The following KCTD16 variants were observed in gnomAD, a reference collection of about 807,000 sequenced individuals.
KCTD16 encodes the protein potassium channel tetramerization domain containing 16.
KCTD16 carries 13 observed loss-of-function variants against 33.2 expected under a neutral mutation model. That is an observed-to-expected ratio of 0.39 (90% CI 0.25 to 0.62). The LOEUF (loss-of-function observed/expected upper bound fraction) is 0.62. Among genes scored for constraint, KCTD16 ranks in the 20% least tolerant of loss-of-function variants. The probability of loss-of-function intolerance (pLI) is 0.50; values close to 1 mark genes in which losing one functional copy is unlikely to be tolerated. For missense variants in KCTD16, 441 were observed against 525.1 expected (o/e 0.84, Z 1.57); for synonymous variants, 197 against 195.3 (o/e 1.01, Z -0.07).
chr5:144,262,514 C>G (rs1473475043), intron 3 of KCTD16, among the ~76,000 whole-genome samples: 1 of 152,182 alleles, frequency 6.6e-6, no homozygotes, highest in African/African-American at 2.4e-5. Flanking sequence ...TTATCTTTAT[C>G]TAATATCAGA....
intron 3 of KCTD16, among the ~76,000 whole-genome samples, chr5:144,343,527 C>A (rs1053896593): frequency 3.3e-5 from 5 of 151,948 alleles, no homozygotes; most frequent in African/African-American, 1.2e-4. Context: ...TTTCAAAAAA[C>A]CAGCTCCTGG....
chr5:144,396,701 G>A (rs568590656), intron 3 of KCTD16, among the ~76,000 whole-genome samples: 2 of 152,004 alleles, frequency 1.3e-5, no homozygotes, highest in Non-Finnish European at 2.9e-5. Flanking sequence ...AACCTAAAAT[G>A]TAACATTGCA....
intron 3 of KCTD16, among the ~76,000 whole-genome samples, chr5:144,278,485 CTTT>C (rs1220359408): frequency 2.2e-5 from 2 of 89,976 alleles, no homozygotes; most frequent in South Asian, 3.5e-4. Context: ...TGTTAGTCTT[CTTT>C]TTTTTTTTTT....
intron 3 of KCTD16, among the ~76,000 whole-genome samples, chr5:144,466,580 C>T (rs966414060): frequency 1.3e-5 from 2 of 152,062 alleles, no homozygotes; most frequent in Non-Finnish European, 2.9e-5. Context: ...AACTCTTTCA[C>T]TCTGTTAATA....
chr5:144,347,139 A>G (rs1424983260), intron 3 of KCTD16, among the ~76,000 whole-genome samples: 3 of 152,316 alleles, frequency 2.0e-5, no homozygotes, highest in South Asian at 2.1e-4. Flanking sequence ...TTACTGTTCA[A>G]TGTAGTATCC....
intron 3 of KCTD16, among the ~76,000 whole-genome samples, chr5:144,324,885 A>G (rs879081565): frequency 6.6e-6 from 1 of 152,220 alleles, no homozygotes; most frequent in Non-Finnish European, 1.5e-5. Flanking sequence ...ATGATAACAC[A>G]TGGACACAGG....
chr5:144,300,291 A>G (rs976746649), intron 3 of KCTD16, among the ~76,000 whole-genome samples: 10 of 152,206 alleles, frequency 6.6e-5, no homozygotes, highest in Non-Finnish European at 1.3e-4. Flanking sequence ...GATATTTTGT[A>G]TCTGGCATCA....
At position 144,186,525 on chromosome 5, in the gene KCTD16, G is replaced by C. The variant is rs143660374; in HGVS notation, c.-327+12053G>C. On this transcript the variant is annotated intron_variant, in intron 2 of 3. Coordinates refer to ENST00000512467, the MANE Select transcript of KCTD16 (RefSeq NM_020768.4). ...TGTGCTTTAACAATATTCTAGATTT[G>C]TAGTTTTAAAAAATAGCTGAAAAGT... 2.3e-3 allele frequency among the ~76,000 whole-genome samples: 355 copies of C among 152,194 alleles called. 1 individual carries two copies. Among genetic ancestry groups the C allele is most frequent in the Admixed American group, 7.7e-3 (118 of 15,292 alleles).
At chr5:144,403,814 G>C (rs1752756250) in intron 3 of KCTD16, among the ~76,000 whole-genome samples, 1 of 152,138 alleles carries the variant, frequency 6.6e-6, no homozygotes, top group African/African-American at 2.4e-5. Flanking sequence ...CCAAGTTCAG[G>C]GCTCTCTGGT....
At position 144,474,120 on chromosome 5, in the gene KCTD16, G is replaced by C; in HGVS notation, c.*6G>C. Reference sequence around the variant, plus strand: ...TAAGGAAGTATCATCTATAAGGGAGGGCTGGGGGCGGGAAAAGAAAAAAAA... The same window carrying C: ...TAAGGAAGTATCATCTATAAGGGAGCGCTGGGGGCGGGAAAAGAAAAAAAA... On this transcript the variant is annotated 3_prime_UTR_variant, in exon 4 of 4. Transcript: ENST00000512467. 2.6e-6 allele frequency: 4 copies of C among 1,552,364 alleles called. No individual in the cohort carries two copies. The highest frequency in any genetic ancestry group is 2.1e-5 in the Admixed American group (1 of 48,002).
At chr5:144,464,699 T>TTCC (rs749492270) in intron 3 of KCTD16, among the ~76,000 whole-genome samples, 110 of 128,170 alleles carry the variant, frequency 8.6e-4, no homozygotes, top group Non-Finnish European at 1.2e-3. Context: ...ACTCCTCTTC[T>TTCC]TCCTCCTCCT....
chr5:144,243,066 G>T (rs1396297181), intron 3 of KCTD16, among the ~76,000 whole-genome samples: 1 of 152,096 alleles, frequency 6.6e-6, no homozygotes, highest in Non-Finnish European at 1.5e-5. Context: ...TATTTCCTTA[G>T]GCTCCTTTGG....
chr5:144,217,453 C>T (rs1226025714), intron 3 of KCTD16, among the ~76,000 whole-genome samples: 1 of 152,050 alleles, frequency 6.6e-6, no homozygotes, highest in Non-Finnish European at 1.5e-5. Flanking sequence ...AGAAAATGAG[C>T]AGTTTCACTT....
At chr5:144,317,537 G>C (rs1263255485) in intron 3 of KCTD16, among the ~76,000 whole-genome samples, 1 of 152,098 alleles carries the variant, frequency 6.6e-6, no homozygotes, top group Non-Finnish European at 1.5e-5. Flanking sequence ...TTCTTAATGT[G>C]GTCTATAAGG....
intron 2 of KCTD16, among the ~76,000 whole-genome samples, chr5:144,199,707 A>AT (rs574670606): frequency 0.11 from 7,534 of 67,750 alleles, 1,799 homozygotes; most frequent in East Asian, 0.21. Flanking sequence ...GAACAGCTTC[A>AT]TTTTTTTTTT....
intron 3 of KCTD16, among the ~76,000 whole-genome samples, chr5:144,391,160 A>G (rs1561590292): frequency 6.6e-6 from 1 of 152,210 alleles, no homozygotes; most frequent in Non-Finnish European, 1.5e-5. Context: ...AGTGTTCTGC[A>G]TACAGTAGGT....
At chr5:144,329,727 A>G (rs142827470) in intron 3 of KCTD16, among the ~76,000 whole-genome samples, 248 of 152,328 alleles carry the variant, frequency 1.6e-3, no homozygotes, top group African/African-American at 5.7e-3. Flanking sequence ...TAAACACTCA[A>G]TCAAACAAAC....
intron 3 of KCTD16, among the ~76,000 whole-genome samples, chr5:144,378,661 T>G (rs1040744208): frequency 6.6e-6 from 1 of 152,198 alleles, no homozygotes; most frequent in Non-Finnish European, 1.5e-5. Flanking sequence ...AAATAAGATG[T>G]TTAAAGTGCA....
intron 3 of KCTD16, among the ~76,000 whole-genome samples, chr5:144,467,029 ATATAT>A: frequency 7.9e-6 from 1 of 126,878 alleles, no homozygotes; most frequent in East Asian, 2.2e-4. Context: ...ATATAACACT[ATATAT>A]TATATATAAT....
Sources: allele counts gnomAD v4.1 joint callset (sites outside exome capture counted in the v4.1 genomes callset), GRCh38; gene constraint gnomAD v4.1.1; transcripts MANE v1.5; gene names NCBI Gene and HGNC (gene_info 2026-07-23, HGNC 2026-07-21).